Variants in FZD6 observed in about 807,000 individuals in gnomAD.
FZD6 encodes frizzled class receptor 6.
In FZD6, 49 loss-of-function variants were observed where a neutral mutation model predicts 61.4. That is an observed-to-expected ratio of 0.80 (90% CI 0.63 to 1.01). The LOEUF is 1.01. FZD6 is among the 50% of genes least tolerant of loss of function. FZD6 has a pLI of 0.00. For synonymous variants in FZD6, 265 were observed against 292.2 expected (o/e 0.91, Z 0.95); for missense variants, 724 against 848.2 (o/e 0.85, Z 1.82).
In FZD6 at chr8:103,300,005, G is replaced by A. The variant is rs527570952; in HGVS notation, c.-103G>A. On this transcript the variant is annotated 5_prime_UTR_variant, in exon 2 of 7. In the 5' UTR this introduces an upstream ATG that the reference lacks. Transcript: ENST00000358755. ...GGAAAGCCTGAAAATGAGTAAAATA[G>A]TGAAATGAGGAATTTGAACATTTTA... 1 of 775,008 alleles carries A rather than the reference G, an allele frequency of 1.3e-6. No homozygotes were observed. The highest frequency in any genetic ancestry group is 2.3e-6 in the Non-Finnish European group (1 of 438,918). 48.0% of individuals were successfully genotyped at this position (775,008 alleles called of 1,614,324 possible). A position where few individuals can be genotyped will look rare whatever the true frequency, so the allele number is the denominator to read the frequency against.
Position 103,331,467 on chromosome 8 carries a change from A to T in FZD6, c.2079A>T (p.Gly693=), listed in dbSNP as rs777794589. Residue 693 remains glycine, a synonymous_variant, in exon 7 of 7, where the codon GGA becomes GGT. Transcript: ENST00000358755. Reference sequence around the variant, plus strand: ...CTCTGCTTGTTCACCCGGTTTCAGGAGTGAGAAAAGAGCAGGGAGGTGGTT... The same window carrying T: ...CTCTGCTTGTTCACCCGGTTTCAGGTGTGAGAAAAGAGCAGGGAGGTGGTT... ...STSLLVHPVS[G]VRKEQGGGCH... 1 of 1,612,106 alleles carries T rather than the reference A, an allele frequency of 6.2e-7. No homozygotes were observed. The highest frequency in any genetic ancestry group is 8.5e-7 in the Non-Finnish European group (1 of 1,178,162).
rs1815017988 is a variant in FZD6, at chr8:103,328,386, C to T, written c.1511C>T (p.Ala504Val). The T allele has an allele frequency of 1.2e-6, 2 of 1,612,852 alleles. No homozygotes were observed. Among genetic ancestry groups the T allele is most frequent in the South Asian group, 1.1e-5 (1 of 91,062 alleles). The stretch of plus-strand genomic sequence containing the variant: ...AGCAAAAAGACATGCACAGAATGGG[C>T]TGGGTTTTTTAAACGAAATCGCAAG... ...VGSKKTCTEW[A>V]GFFKRNRKRD... is the part of the protein sequence containing the mutation. The change falls in exon 5 of 7, where the codon GCT becomes GTT. Residue 504 changes from alanine to valine, a missense_variant. Coordinates refer to ENST00000358755, the MANE Select transcript of FZD6 (RefSeq NM_003506.4).
intron 6 of FZD6, 141 bp from the exon 7 acceptor site, chr8:103,331,199 GA>G (rs1211280688): frequency 2.8e-6 from 2 of 716,392 alleles, no homozygotes; most frequent in African/African-American, 3.5e-5. Flanking sequence ...TTTGTATTTT[GA>G]AGTGTTAAAG....
chr8:103,314,406 G>T (rs1298139490), intron 2 of FZD6, among the ~76,000 whole-genome samples: 1 of 152,096 alleles, frequency 6.6e-6, no homozygotes, highest in Non-Finnish European at 1.5e-5. Context: ...CTAGTTGCCC[G>T]CAGCTCCCCT....
chr8:103,304,068 A>G (rs1367685900), intron 2 of FZD6, among the ~76,000 whole-genome samples: 1 of 152,094 alleles, frequency 6.6e-6, no homozygotes, highest in African/African-American at 2.4e-5. Flanking sequence ...TACACCTCCA[A>G]CCCGATTACC....
chr8:103,308,287 GATT>G (rs1371795513), intron 2 of FZD6, among the ~76,000 whole-genome samples: 1 of 152,124 alleles, frequency 6.6e-6, no homozygotes, highest in Non-Finnish European at 1.5e-5. Flanking sequence ...TTTTTTTTGA[GATT>G]ATAGGCCCAT....
At chr8:103,309,459 G>A (rs952293324) in intron 2 of FZD6, among the ~76,000 whole-genome samples, 3 of 152,162 alleles carry the variant, frequency 2.0e-5, no homozygotes, top group African/African-American at 7.2e-5. Flanking sequence ...GTTGAAATGA[G>A]CAGGTGGTAG....
At chr8:103,324,380 T>G (rs1194617120) in intron 3 of FZD6, 101 bp from the exon 4 acceptor site, 10 of 674,560 alleles carry the variant, frequency 1.5e-5, no homozygotes, top group Non-Finnish European at 2.2e-5. Flanking sequence ...CCATCAATCA[T>G]GAATACATAA....
rs1160146908 is a variant in FZD6 at position 103,306,970 on chromosome 8, A to G, written c.177+6686A>G. Among the ~76,000 whole-genome samples, 4 of 152,108 alleles carry G rather than the reference A, an allele frequency of 2.6e-5. No homozygotes were observed. The East Asian group carries it at 7.7e-4, about 29-fold the overall frequency. ...ATGTCACCATGAGTAGAAAGCACAA[A>G]TCCTGAGCTTAGGATCAGAGGCTTT... On this transcript the variant is annotated intron_variant, in intron 2 of 6. Coordinates refer to ENST00000358755, the MANE Select transcript of FZD6 (RefSeq NM_003506.4).
At position 103,331,649 on chromosome 8, in the gene FZD6, G is replaced by C; in HGVS notation, c.*140G>C. ...CTACTGTTATACTGGAAAAAATAGA[G>C]TTCAAGAATAATATGACTCATTTCA... On this transcript the variant is annotated 3_prime_UTR_variant, in exon 7 of 7. Transcript: ENST00000358755. 1 of 692,618 alleles carries C rather than the reference G, an allele frequency of 1.4e-6. No individual in the cohort carries two copies. The highest frequency in any genetic ancestry group is 2.6e-6 in the Non-Finnish European group (1 of 381,758). The allele number at this position is 692,618 out of a possible 1,614,324, so 42.9% of individuals were successfully genotyped here. A position where few individuals can be genotyped will look rare whatever the true frequency, so the allele number is the denominator to read the frequency against.
At chr8:103,319,960 G>T (rs1814734763) in intron 3 of FZD6, among the ~76,000 whole-genome samples, 1 of 152,150 alleles carries the variant, frequency 6.6e-6, no homozygotes, top group Non-Finnish European at 1.5e-5. Flanking sequence ...GAAAAAGGAA[G>T]AGGCAAGCAT....
At chr8:103,307,436 C>G (rs1294546506) in intron 2 of FZD6, among the ~76,000 whole-genome samples, 3 of 152,218 alleles carry the variant, frequency 2.0e-5, no homozygotes, top group Non-Finnish European at 1.5e-5. Flanking sequence ...ACTTGACATA[C>G]AGTAATGCAC....
rs1218789314 is a variant in FZD6, at chr8:103,332,840, A to T, written c.*1331A>T. 2 of 152,612 alleles carry T rather than the reference A, an allele frequency of 1.3e-5. No individual in the cohort carries two copies. The highest frequency in any genetic ancestry group is 4.8e-5 in the African/African-American group (2 of 41,446). The allele number at this position is 152,612 out of a possible 1,614,324, so 9.5% of individuals were successfully genotyped here. ...AAACTTTGTTTTGTGTGATCTTTTC[A>T]TTAATAAAATTATCTTTGTATAAGA... On this transcript the variant is annotated 3_prime_UTR_variant, in exon 7 of 7. Coordinates refer to ENST00000358755, the MANE Select transcript of FZD6 (RefSeq NM_003506.4).
rs963303843 is a variant in FZD6, at chr8:103,328,408, C to T, written c.1533C>T (p.Arg511=). ...GGGCTGGGTTTTTTAAACGAAATCG[C>T]AAGAGAGAGTAAGAAACTATTGAAT... The part of the protein sequence containing the change: ...TEWAGFFKRN[R]KRDPISESRR... Residue 511 remains arginine (R), a synonymous_variant, in exon 5 of 7, where the codon CGC becomes CGT. Transcript: ENST00000358755. The T allele has an allele frequency of 6.2e-7, 1 of 1,610,274 alleles. No individual in the cohort carries two copies. Among genetic ancestry groups the T allele is most frequent in the Non-Finnish European group, 8.5e-7 (1 of 1,176,850 alleles).
chr8:103,326,700 A>C (rs1053577151), intron 4 of FZD6, among the ~76,000 whole-genome samples: 6 of 116,562 alleles, frequency 5.1e-5, no homozygotes, highest in African/African-American at 2.1e-4. Flanking sequence ...GTGACAAAAA[A>C]AAACAAACAA....
intron 3 of FZD6, among the ~76,000 whole-genome samples, chr8:103,321,384 G>A (rs1814784423): frequency 1.3e-5 from 2 of 152,104 alleles, no homozygotes; most frequent in African/African-American, 2.4e-5. Flanking sequence ...ATTCTAGTAT[G>A]GCCTATACTG....
Position 103,329,768 on chromosome 8 carries a change from A to T in FZD6, c.1655A>T (p.Lys552Met). The change falls in exon 6 of 7, where the codon AAG (lysine) becomes ATG (methionine). Residue 552 changes from lysine (K) to methionine (M), a missense_variant. Lys to Met is a moderately conservative substitution (Grantham distance 95). Coordinates refer to ENST00000358755, the MANE Select transcript of FZD6 (RefSeq NM_003506.4). ...KHYKPSSHKL[K>M]VISKSMGTST... Reference sequence around the variant, plus strand: ...TATAAACCAAGTTCACACAAGCTGAAGGTCATTTCCAAATCCATGGGAACC... The same window carrying T: ...TATAAACCAAGTTCACACAAGCTGATGGTCATTTCCAAATCCATGGGAACC... 6.2e-7 allele frequency: 1 copy of T among 1,614,078 alleles called. No homozygotes were observed. Among genetic ancestry groups the T allele is most frequent in the Non-Finnish European group, 8.5e-7 (1 of 1,179,920 alleles).
chr8:103,313,764 GTGTGTGT>G (rs1814559310), intron 2 of FZD6, among the ~76,000 whole-genome samples: 1 of 28,114 alleles, frequency 3.6e-5, no homozygotes, highest in Non-Finnish European at 6.3e-5. Context: ...ATTTTTCTGT[GTGTGTGT>G]GTGTGTGTGT....
At chr8:103,328,807 G>C (rs1815030574) in intron 5 of FZD6, among the ~76,000 whole-genome samples, 2 of 151,134 alleles carry the variant, frequency 1.3e-5, no homozygotes, top group African/African-American at 2.4e-5. Flanking sequence ...AAAAGATTAA[G>C]ACTTAAGTAT....
Sources: gnomAD v4.1 joint callset for allele counts (sites outside exome capture counted in the v4.1 genomes callset) on GRCh38, gnomAD v4.1.1 for gene constraint, MANE v1.5 for transcripts, NCBI Gene and HGNC (gene_info 2026-07-23, HGNC 2026-07-21) for gene names.